KIFAP3: variants seen among roughly 807,000 people sequenced by gnomAD.
KIFAP3 encodes the protein kinesin-associated protein 3.
In KIFAP3, 68 loss-of-function variants were observed where a neutral mutation model predicts 106.5. That is an observed-to-expected ratio of 0.64 (90% confidence interval 0.53 to 0.78). The LOEUF (loss-of-function observed/expected upper bound fraction) is 0.78, where lower values mean the gene tolerates loss of function less well. Among genes scored for constraint, KIFAP3 ranks in the 30% least tolerant of loss-of-function variants. The pLI, the probability that KIFAP3 is intolerant of heterozygous loss-of-function variation, is 0.00. For missense variants in KIFAP3, 780 were observed against 941.8 expected (o/e 0.83, Z 2.25); for synonymous variants, 320 against 311.5 (o/e 1.03, Z -0.29).
At chr1:170,027,678 G>C (rs961866901) in intron 8 of KIFAP3, among the ~76,000 whole-genome samples, 2 of 152,074 alleles carry the variant, frequency 1.3e-5, no homozygotes, top group African/African-American at 4.8e-5. Flanking sequence ...CAAAAATGTA[G>C]AGTATCAGAG....
At chr1:169,974,312 T>C (rs942935903) in intron 16 of KIFAP3, among the ~76,000 whole-genome samples, 1 of 152,008 alleles carries the variant, frequency 6.6e-6, no homozygotes, top group Non-Finnish European at 1.5e-5. Flanking sequence ...CACACATTTC[T>C]ACTAAGAAAC....
intron 19 of KIFAP3, among the ~76,000 whole-genome samples, chr1:169,942,581 C>T (rs1182558364): frequency 3.9e-5 from 6 of 152,176 alleles, no homozygotes; most frequent in Non-Finnish European, 5.9e-5. Context: ...ATGCAGTTGG[C>T]TGTGGTTTGG....
intron 10 of KIFAP3, among the ~76,000 whole-genome samples, chr1:170,006,389 G>A (rs544562705): frequency 6.6e-6 from 1 of 152,258 alleles, no homozygotes; most frequent in South Asian, 2.1e-4. Flanking sequence ...TTATTCATCT[G>A]CCTCTTCCTA....
At chr1:170,058,410 G>A (rs1007316563) in intron 1 of KIFAP3, among the ~76,000 whole-genome samples, 7 of 152,086 alleles carry the variant, frequency 4.6e-5, no homozygotes, top group Admixed American at 1.3e-4. Context: ...GGACTGCTAT[G>A]CATCTATTTC....
intron 2 of KIFAP3, among the ~76,000 whole-genome samples, chr1:170,054,762 G>T (rs1344598888): frequency 6.6e-6 from 1 of 151,892 alleles, no homozygotes. Context: ...TGAACAATGA[G>T]AACACACGGA....
At chr1:169,953,860 A>C in intron 19 of KIFAP3, 151 bp downstream of exon 19, 1 of 657,030 alleles carries the variant, frequency 1.5e-6, no homozygotes, top group Non-Finnish European at 2.7e-6. Flanking sequence ...TTCATAAGTT[A>C]ATTTAAAATC....
intron 1 of KIFAP3, among the ~76,000 whole-genome samples, chr1:170,070,537 C>G (rs1242243833): frequency 6.6e-6 from 1 of 152,036 alleles, no homozygotes; most frequent in Non-Finnish European, 1.5e-5. Context: ...CCAAACCATT[C>G]ATGGAGGAAA....
chr1:169,956,108 G>T (rs907512619), intron 18 of KIFAP3, among the ~76,000 whole-genome samples: 3 of 152,060 alleles, frequency 2.0e-5, no homozygotes, highest in African/African-American at 7.2e-5. Context: ...AAAGAATTGA[G>T]AATCGGAGTT....
At chr1:170,055,490 T>C (rs1467085264) in intron 1 of KIFAP3, 54 bp from the exon 2 acceptor site, 1 of 1,327,184 alleles carries the variant, frequency 7.5e-7, no homozygotes, top group Non-Finnish European at 1.0e-6. Context: ...AAAGTGGCCA[T>C]GGTTTTTATC....
intron 19 of KIFAP3, among the ~76,000 whole-genome samples, chr1:169,939,517 A>G (rs1663994315): frequency 6.6e-6 from 1 of 152,176 alleles, no homozygotes. Context: ...CTGAGAGGAC[A>G]AGTCTAAGCT....
intron 19 of KIFAP3, among the ~76,000 whole-genome samples, chr1:169,944,449 G>A (rs1014884772): frequency 3.6e-4 from 55 of 152,160 alleles, no homozygotes; most frequent in African/African-American, 1.3e-3. Context: ...TGGCTCAGGA[G>A]CAACTACGTC....
At chr1:169,943,189 C>A (rs575041870) in intron 19 of KIFAP3, among the ~76,000 whole-genome samples, 215 of 152,030 alleles carry the variant, frequency 1.4e-3, no homozygotes, top group Middle Eastern at 6.8e-3. Context: ...TTTGTAATAG[C>A]ACATCTGTAA....
chr1:169,985,346 G>A (rs573597269), intron 11 of KIFAP3, among the ~76,000 whole-genome samples: 1 of 151,844 alleles, frequency 6.6e-6, no homozygotes, highest in African/African-American at 2.4e-5. Context: ...ATGGGTGTCT[G>A]AACTAGGTAG....
chr1:170,020,223 C>T (rs1557842372), intron 9 of KIFAP3, among the ~76,000 whole-genome samples: 1 of 152,010 alleles, frequency 6.6e-6, no homozygotes, highest in African/African-American at 2.4e-5. Context: ...ATATTGATCC[C>T]CTCAACAGAT....
intron 4 of KIFAP3, 104 bp downstream of exon 4, chr1:170,039,129 T>C (rs1235683692): frequency 1.8e-6 from 1 of 566,984 alleles, no homozygotes; most frequent in Non-Finnish European, 3.0e-6. Flanking sequence ...AGTCATTTTT[T>C]AAAAATACCA....
rs16862898 is a variant in KIFAP3, at chr1:169,995,087, G to T, written c.1184-2832C>A. Among the ~76,000 whole-genome samples, 1,215 of 152,082 alleles carry T rather than the reference G, an allele frequency of 8.0e-3. 20 individuals are homozygous for T. The highest frequency in any genetic ancestry group is 0.026 in the African/African-American group (1,100 of 41,518). ...CCCCAACAATTTTGTCCTTGAGTTT[G>T]GAGCAATCTAAATATGTAAGATTTA... On this transcript the variant is annotated intron_variant, in intron 10 of 19. Coordinates refer to ENST00000361580, the MANE Select transcript of KIFAP3 (RefSeq NM_014970.4).
At chr1:170,008,812 T>C (rs556983265) in intron 10 of KIFAP3, among the ~76,000 whole-genome samples, 3 of 152,272 alleles carry the variant, frequency 2.0e-5, no homozygotes, top group Middle Eastern at 6.8e-3. Context: ...TAAAGACACA[T>C]GCACACATAT....
chr1:169,937,213 C>T (rs1197626274), intron 19 of KIFAP3, among the ~76,000 whole-genome samples: 1 of 151,344 alleles, frequency 6.6e-6, no homozygotes, highest in Non-Finnish European at 1.5e-5. Flanking sequence ...TATTTCTTAC[C>T]GACCTCCATA....
chr1:170,047,580 C>T (rs1353800901), intron 2 of KIFAP3, among the ~76,000 whole-genome samples: 1 of 131,660 alleles, frequency 7.6e-6, no homozygotes, highest in South Asian at 2.5e-4. Flanking sequence ...GAGATCGCAC[C>T]ATTGTACTCC....
Sources: gnomAD v4.1 joint callset for allele counts (sites outside exome capture counted in the v4.1 genomes callset) on GRCh38, gnomAD v4.1.1 for gene constraint, MANE v1.5 for transcripts, NCBI Gene and HGNC (gene_info 2026-07-23, HGNC 2026-07-21) for gene names.